SMARCA2: variants seen among roughly 807,000 people sequenced by gnomAD.
The protein encoded by SMARCA2 is SWI/SNF related BAF chromatin remodeling complex subunit ATPase 2, also known as SWI/SNF-related matrix-associated actin-dependent regulator of chromatin subfamily A member 2.
In SMARCA2, 61 loss-of-function variants were observed where a neutral mutation model predicts 199.8. The ratio of observed to expected loss-of-function variants is 0.31; its 90% confidence interval spans 0.25 to 0.38. The LOEUF (loss-of-function observed/expected upper bound fraction) is 0.38. SMARCA2 is among the 10% of genes least tolerant of loss of function. The pLI, the probability that SMARCA2 is intolerant of heterozygous loss-of-function variation, is 1.00. For missense variants in SMARCA2, 1,344 were observed against 2,012.2 expected, an observed-to-expected ratio of 0.67 and a Z score of 6.35; for synonymous variants, 935 against 732.0, an observed-to-expected ratio of 1.28 and a Z score of -4.48.
Position 2,098,000 on chromosome 9 carries a change from G to A in SMARCA2, c.3078+529G>A, listed in dbSNP as rs1190888958. The stretch of plus-strand genomic sequence containing the variant: ...TGATGTAAATCCAGGCTTTCATCCT[G>A]ATGCTCAGGTCTCTAGAAAGCTATT... On this transcript the variant is annotated intron_variant, in intron 21 of 33. Transcript: ENST00000349721. Among the ~76,000 whole-genome samples, 4 of 152,138 alleles carry A rather than the reference G, an allele frequency of 2.6e-5. No individual in the cohort carries two copies. The East Asian group carries it at 5.8e-4, about 22-fold the overall frequency.
chr9:2,187,317 A>G (rs889452957), intron 32 of SMARCA2, among the ~76,000 whole-genome samples: 1 of 152,088 alleles, frequency 6.6e-6, no homozygotes, highest in African/African-American at 2.4e-5. Flanking sequence ...GTTTGACCCT[A>G]GTTCCAGCCG....
At chr9:2,176,933 C>A (rs143540459) in intron 29 of SMARCA2, among the ~76,000 whole-genome samples, 1,562 of 152,174 alleles carry the variant, frequency 0.01, 25 homozygotes, top group African/African-American at 0.035. Context: ...TTTGCTCTTG[C>A]TTCAAGGGTC....
intron 23 of SMARCA2, among the ~76,000 whole-genome samples, chr9:2,108,137 C>T (rs1409336330): frequency 1.3e-5 from 2 of 152,154 alleles, no homozygotes; most frequent in African/African-American, 4.8e-5. Context: ...TTTGGCTCTC[C>T]AACATCAAAA....
chr9:2,119,281 G>A lies in SMARCA2; in HGVS notation c.3685-177G>A, dbSNP rs1823347322. Reference sequence around the variant, plus strand: ...CCTCCCTGAACGGATTTTGCTCTGGGAAGATGGTTTTAATAGCTTGTAAAA... The same window carrying A: ...CCTCCCTGAACGGATTTTGCTCTGGAAAGATGGTTTTAATAGCTTGTAAAA... On this transcript the variant is annotated intron_variant, in intron 25 of 33. Coordinates refer to ENST00000349721, the MANE Select transcript of SMARCA2 (RefSeq NM_003070.5). This position sits in a 1 kb window ranked among gnomAD's most constrained non-coding sequence, Gnocchi z 4.6. 6.6e-6 allele frequency among the ~76,000 whole-genome samples: 1 copy of A among 152,208 alleles called. No homozygotes were observed. Among genetic ancestry groups the A allele is most frequent in the South Asian group, 2.1e-4 (1 of 4,836 alleles).
In SMARCA2 at chr9:2,169,739, C is replaced by G. The variant is rs1826139591; in HGVS notation, c.4200-680C>G. On this transcript the variant is annotated intron_variant, in intron 28 of 33. Coordinates refer to ENST00000349721, the MANE Select transcript of SMARCA2 (RefSeq NM_003070.5). The surrounding 1 kb of genome is among the most constrained non-coding windows in gnomAD (Gnocchi z 6.5). ...CCTGGCAGCTGCTTCCCTGCCACCACAAAAAGGGACACCAACCTAGCAGTT... is the reference window on the plus strand; with the variant it reads ...CCTGGCAGCTGCTTCCCTGCCACCAGAAAAAGGGACACCAACCTAGCAGTT... Among the ~76,000 whole-genome samples the G allele has an allele frequency of 6.6e-6, 1 of 152,124 alleles. No homozygotes were observed. The highest frequency in any genetic ancestry group is 2.4e-5 in the African/African-American group (1 of 41,424).
intron 1 of SMARCA2, among the ~76,000 whole-genome samples, chr9:2,025,014 C>A (rs1818764376): frequency 6.6e-6 from 1 of 152,118 alleles, no homozygotes; most frequent in East Asian, 1.9e-4. Context: ...GGAGTGGTGA[C>A]CCTTAAAATT....
At chr9:2,081,156 A>C (rs1821550011) in intron 14 of SMARCA2, among the ~76,000 whole-genome samples, 1 of 152,196 alleles carries the variant, frequency 6.6e-6, no homozygotes, top group South Asian at 2.1e-4. Context: ...ATGGAGGTTT[A>C]ACAATTTTGT....
intron 31 of SMARCA2, among the ~76,000 whole-genome samples, chr9:2,184,353 CTTTTTT>C (rs1199876121): frequency 5.5e-4 from 71 of 129,420 alleles, no homozygotes; most frequent in African/African-American, 2.0e-3. Flanking sequence ...AGGATAATAT[CTTTTTT>C]TTTTTTTTTT....
chr9:2,177,266 G>C (rs1826674488), intron 29 of SMARCA2, among the ~76,000 whole-genome samples: 1 of 152,192 alleles, frequency 6.6e-6, no homozygotes, highest in African/African-American at 2.4e-5. Flanking sequence ...TTAGGATTGT[G>C]ATAGCTTTTC....
At chr9:2,092,831 T>A (rs1235062893) in intron 19 of SMARCA2, among the ~76,000 whole-genome samples, 1 of 152,230 alleles carries the variant, frequency 6.6e-6, no homozygotes, top group African/African-American at 2.4e-5. Context: ...CAAGTTTCAT[T>A]TGCTATAGCA....
rs2130104432 is a variant in SMARCA2, at chr9:2,016,749, T to C, written c.-37+1345T>C. Among the ~76,000 whole-genome samples, 1 of 152,184 alleles carries C rather than the reference T, an allele frequency of 6.6e-6. No homozygotes were observed. The highest frequency in any genetic ancestry group is 1.5e-5 in the Non-Finnish European group (1 of 67,978). ...CCAACGATGACACGCACTCCTTCCT[T>C]CTCGCTCCCTGCTCAGGAGTTTGCT... On this transcript the variant is annotated intron_variant, in intron 1 of 33. Transcript: ENST00000349721. The surrounding 1 kb of genome is among the most constrained non-coding windows in gnomAD (Gnocchi z 5.6).
chr9:2,156,338 T>TA (rs1422178226), intron 27 of SMARCA2, among the ~76,000 whole-genome samples: 1 of 111,124 alleles, frequency 9.0e-6, no homozygotes, highest in Non-Finnish European at 2.3e-5. Flanking sequence ...AGTTGTTCCT[T>TA]AATTTAGATA....
chr9:2,078,282 G>A (rs1358950952), intron 14 of SMARCA2, among the ~76,000 whole-genome samples: 1 of 151,912 alleles, frequency 6.6e-6, no homozygotes, highest in South Asian at 2.1e-4. Context: ...GACCAGCCTG[G>A]CCAACATGGT....
chr9:2,175,866 T>G (rs187385941), intron 29 of SMARCA2, among the ~76,000 whole-genome samples: 4 of 151,556 alleles, frequency 2.6e-5, no homozygotes, highest in East Asian at 2.0e-4. Context: ...TCTGTTTTTT[T>G]GGGTTTTTTT....
intron 1 of SMARCA2, among the ~76,000 whole-genome samples, chr9:2,015,753 A>G (rs1316232449): frequency 6.6e-6 from 1 of 152,220 alleles, no homozygotes; most frequent in African/African-American, 2.4e-5. Flanking sequence ...AATCCCAACA[A>G]GCCACAGCCT....
chr9:2,189,418 G>T (rs570760738), intron 32 of SMARCA2, among the ~76,000 whole-genome samples: 1 of 152,090 alleles, frequency 6.6e-6, no homozygotes, highest in Admixed American at 6.5e-5. Context: ...CGCTCTCAAG[G>T]ATACATTTTC....
chr9:2,038,670 C>G (rs989965638), intron 3 of SMARCA2, among the ~76,000 whole-genome samples: 11 of 152,128 alleles, frequency 7.2e-5, no homozygotes, highest in African/African-American at 2.4e-4. Context: ...AAATACCCCC[C>G]CTTTACTGGC....
At chr9:2,030,421 T>C (rs1819011679) in intron 2 of SMARCA2, among the ~76,000 whole-genome samples, 1 of 151,904 alleles carries the variant, frequency 6.6e-6, no homozygotes, top group African/African-American at 2.4e-5. Context: ...GAACTGATGA[T>C]GTGAGTTCCA....
At position 2,088,920 on chromosome 9, in the gene SMARCA2, T is replaced by C. The variant is rs1424795850; in HGVS notation, c.2883+307T>C. On this transcript the variant is annotated intron_variant, in intron 19 of 33. Coordinates refer to ENST00000349721, the MANE Select transcript of SMARCA2 (RefSeq NM_003070.5). ...AAATTACGGACCTCATTGAGTTCAC[T>C]GTTGCAGGCACTGTAGAATTGTTCT... Among the ~76,000 whole-genome samples, 3 of 149,706 alleles carry C rather than the reference T, an allele frequency of 2.0e-5. No homozygotes were observed. In the East Asian group the frequency reaches 5.8e-4, roughly 29 times the overall value.
Sources: gnomAD v4.1 joint callset for allele counts (sites outside exome capture counted in the v4.1 genomes callset) on GRCh38, gnomAD v4.1.1 for gene constraint, Gnocchi (gnomAD v3.1) non-coding constraint, MANE v1.5 for transcripts, NCBI Gene and HGNC (gene_info 2026-07-23, HGNC 2026-07-21) for gene names.